Variants in GLRA2 observed in about 807,000 individuals in gnomAD.
The protein encoded by GLRA2 is glycine receptor subunit alpha-2.
A neutral mutation model predicts 31.6 loss-of-function variants in GLRA2; 11 were observed. The observed-to-expected ratio is 0.35, with a 90% CI of 0.22 to 0.58. The LOEUF (loss-of-function observed/expected upper bound fraction) is 0.58. GLRA2 is among the 20% of genes least tolerant of loss of function. The probability of loss-of-function intolerance (pLI) is 0.84; values close to 1 mark genes in which losing one functional copy is unlikely to be tolerated. For synonymous variants in GLRA2, 132 were observed against 134.0 expected (o/e 0.99, Z 0.10); for missense variants, 212 against 351.8 (o/e 0.60, Z 3.18).
chrX:14,520,776 TAGAG>T, the GLRA2 span, among the ~76,000 whole-genome samples: 8 of 112,488 alleles, frequency 7.1e-5, no homozygotes, highest in African/African-American at 1.3e-4. Context: ...TTTTGAAAAT[TAGAG>T]AGAGTAAATG....
chrX:14,512,906 GA>G, the GLRA2 span, among the ~76,000 whole-genome samples: 4 of 109,414 alleles, frequency 3.7e-5, no homozygotes, highest in Admixed American at 2.9e-4. Context: ...AACAGAACTA[GA>G]AAAAAAAATC....
chrX:14,496,452 G>A, the GLRA2 span, among the ~76,000 whole-genome samples: 1 of 111,364 alleles, frequency 9.0e-6, no homozygotes, highest in Admixed American at 9.5e-5. Context: ...ACCACTTTCT[G>A]TCCTTGAGAT....
At chrX:14,590,935 A>G (rs1399551739) in intron 4 of GLRA2, among the ~76,000 whole-genome samples, 1 of 111,789 alleles carries the variant, frequency 8.9e-6, no homozygotes, top group African/African-American at 3.3e-5. Flanking sequence ...TGGCATGCAC[A>G]TATGCTAGTG....
chrX:14,466,615 T>G, the GLRA2 span, among the ~76,000 whole-genome samples: 1 of 111,421 alleles, frequency 9.0e-6, no homozygotes, highest in Admixed American at 9.5e-5. Context: ...AATGAGCTGC[T>G]TGTGTAAAGC....
intron 2 of GLRA2, among the ~76,000 whole-genome samples, chrX:14,550,502 A>G (rs961598069): frequency 4.5e-5 from 5 of 110,331 alleles, no homozygotes; most frequent in Admixed American, 9.6e-5. Flanking sequence ...TTCACATCCA[A>G]TGATCTGTAT....
chrX:14,692,555 G>C (rs1169584687), intron 8 of GLRA2, among the ~76,000 whole-genome samples: 1 of 111,695 alleles, frequency 9.0e-6, no homozygotes, highest in African/African-American at 3.3e-5. Context: ...ACTCACCTAG[G>C]ACCCTTGTGA....
At chrX:14,455,845 T>C in the GLRA2 span, among the ~76,000 whole-genome samples, 1 of 112,106 alleles carries the variant, frequency 8.9e-6, no homozygotes, top group Non-Finnish European at 1.9e-5. Context: ...GAATTCTTTG[T>C]GTACCATGTA....
chrX:14,529,891 A>G lies in GLRA2; in HGVS notation c.-167A>G, dbSNP rs2089231602. 2 of 471,455 alleles carry G rather than the reference A, an allele frequency of 4.2e-6. No homozygotes were observed. The highest frequency in any genetic ancestry group is 7.4e-6 in the Non-Finnish European group (2 of 268,721). The allele number at this position is 471,455 out of a possible 1,213,427, so 38.9% of individuals were successfully genotyped here. On this transcript the variant is annotated 5_prime_UTR_variant, in exon 1 of 9. Transcript: ENST00000218075. ...CCTGACCATGATGCCCAGGACTGGC[A>G]CTTTTTCTTTTTTCTCAGCAAACTG...
At chrX:14,453,972 A>G in the GLRA2 span, among the ~76,000 whole-genome samples, 1 of 111,881 alleles carries the variant, frequency 8.9e-6, no homozygotes, top group Non-Finnish European at 1.9e-5. Context: ...CTCTTTGTAT[A>G]ACATCTTGAC....
rs916374316 is a variant in GLRA2, at chrX:14,532,468, A to C, written c.202+96A>C. ...CATTTTCAGGGCTTTTAATTATAAA[A>C]TGAAAATGACAAGTATAGTGTTCAT... On this transcript the variant is annotated intron_variant, in intron 2 of 8. Coordinates refer to ENST00000218075, the MANE Select transcript of GLRA2 (RefSeq NM_002063.4). The C allele has an allele frequency of 3.5e-4, 182 of 526,371 alleles. 1 individual carries two copies. The highest frequency in any genetic ancestry group is 4.8e-4 in the Non-Finnish European group (165 of 341,267). The allele number at this position is 526,371 out of a possible 1,213,427, so 43.4% of individuals were successfully genotyped here. A position where few individuals can be genotyped will look rare whatever the true frequency, so the allele number is the denominator to read the frequency against.
At chrX:14,556,066 T>C (rs986541882) in intron 2 of GLRA2, among the ~76,000 whole-genome samples, 2 of 111,947 alleles carry the variant, frequency 1.8e-5, no homozygotes, top group African/African-American at 6.5e-5. Flanking sequence ...ATAGGGAGAA[T>C]CATGCAAAAT....
chrX:14,725,913 A>G (rs1019378313), intron 8 of GLRA2, among the ~76,000 whole-genome samples: 2 of 112,599 alleles, frequency 1.8e-5, no homozygotes, highest in Admixed American at 9.4e-5. Flanking sequence ...TGAAACCTTG[A>G]CTGGATGATT....
At chrX:14,693,022 C>T (rs906792958) in intron 8 of GLRA2, among the ~76,000 whole-genome samples, 132 of 105,003 alleles carry the variant, frequency 1.3e-3, no homozygotes, top group Non-Finnish European at 2.3e-3. Flanking sequence ...TGCACATGTA[C>T]CCTAAAACTT....
At chrX:14,461,361 A>G in the GLRA2 span, among the ~76,000 whole-genome samples, 1 of 111,640 alleles carries the variant, frequency 9.0e-6, no homozygotes, top group Non-Finnish European at 1.9e-5. Context: ...GATGTCTATT[A>G]GGTCTCCCTG....
At position 14,593,201 on chromosome X, in the gene GLRA2, A is replaced by C. The variant is rs764383307; in HGVS notation, c.495-11114A>C. ...TCCAAAGGAAAAGGTACTTTATTTTAAAATGGAAAAAAAAATGTGTCCATC... is the reference window on the plus strand; with the variant it reads ...TCCAAAGGAAAAGGTACTTTATTTTCAAATGGAAAAAAAAATGTGTCCATC... On this transcript the variant is annotated intron_variant, in intron 4 of 8. Coordinates refer to ENST00000218075, the MANE Select transcript of GLRA2 (RefSeq NM_002063.4). 5.3e-5 allele frequency among the ~76,000 whole-genome samples: 6 copies of C among 112,348 alleles called. No individual in the cohort carries two copies. The South Asian group carries it at 2.2e-3, about 42-fold the overall frequency.
intron 8 of GLRA2, among the ~76,000 whole-genome samples, chrX:14,695,205 C>T (rs1378428207): frequency 9.0e-6 from 1 of 111,082 alleles, no homozygotes; most frequent in Non-Finnish European, 1.9e-5. Flanking sequence ...TTTAGAAAGC[C>T]TATCTAGAGT....
intron 7 of GLRA2, among the ~76,000 whole-genome samples, chrX:14,685,450 C>CT (rs1452981842): frequency 1.8e-5 from 2 of 111,267 alleles, no homozygotes; most frequent in Non-Finnish European, 3.8e-5. Context: ...TGGTCCTGGA[C>CT]TTTTTTTGGT....
At chrX:14,568,741 A>G (rs2089844275) in intron 2 of GLRA2, among the ~76,000 whole-genome samples, 2 of 110,273 alleles carry the variant, frequency 1.8e-5, no homozygotes, top group South Asian at 7.8e-4. Context: ...TGCTGGCACA[A>G]CTGAATTTCC....
rs375084035 is a variant in GLRA2 at position 14,637,520 on chromosome X, AC to A, written c.930+28316del. Among the ~76,000 whole-genome samples, 277 of 112,408 alleles carry A rather than the reference AC, an allele frequency of 2.5e-3. 2 individuals carry two copies. The South Asian group carries it at 0.041, about 17-fold the overall frequency. On this transcript the variant is annotated intron_variant, in intron 7 of 8. Coordinates refer to ENST00000218075, the MANE Select transcript of GLRA2 (RefSeq NM_002063.4). ...TGCAGGTCTAAAATCTTCTATCCACACTTATGAAATCTCCTAAGCTCTGAAA... is the reference window on the plus strand; with the variant it reads ...TGCAGGTCTAAAATCTTCTATCCACATTATGAAATCTCCTAAGCTCTGAAA...
Sources: gnomAD v4.1 joint callset for allele counts (sites outside exome capture counted in the v4.1 genomes callset) on GRCh38, gnomAD v4.1.1 for gene constraint, MANE v1.5 for transcripts, NCBI Gene and HGNC (gene_info 2026-07-23, HGNC 2026-07-21) for gene names.